ZNF746: variants seen among roughly 807,000 people sequenced by gnomAD.
ZNF746 encodes zinc finger protein 746.
ZNF746 carries 13 observed loss-of-function variants against 41.0 expected under a neutral mutation model. The ratio of observed to expected loss-of-function variants is 0.32; its 90% CI spans 0.21 to 0.50. The LOEUF is 0.50. Ranked by LOEUF, ZNF746 falls within the 20% of genes least tolerant of loss-of-function variation. The pLI, the probability that ZNF746 is intolerant of heterozygous loss-of-function variation, is 0.98. For missense variants in ZNF746, 811 were observed against 922.9 expected (o/e 0.88, Z 1.57); for synonymous variants, 424 against 396.2 (o/e 1.07, Z -0.83).
chr7:149,479,793 G>T (rs1201857291), intron 4 of ZNF746, among the ~76,000 whole-genome samples: 7 of 152,134 alleles, frequency 4.6e-5, no homozygotes, highest in Admixed American at 4.6e-4. Context: ...TCAGCAGTCT[G>T]GGAGGCTGAG....
chr7:149,496,957 AT>A (rs899948084), intron 1 of ZNF746: 153 of 985,262 alleles, frequency 1.6e-4, no homozygotes, highest in Non-Finnish European at 1.7e-4. Context: ...TATGACAGAG[AT>A]TAACACCAGT....
intron 4 of ZNF746, among the ~76,000 whole-genome samples, chr7:149,482,497 C>G (rs1375641176): frequency 2.0e-5 from 3 of 146,378 alleles, no homozygotes; most frequent in Non-Finnish European, 4.5e-5. Context: ...TGGAGCCTTG[C>G]TCTGCTGCAC....
chr7:149,493,760 G>A (rs1359042392), intron 3 of ZNF746, among the ~76,000 whole-genome samples: 3 of 152,216 alleles, frequency 2.0e-5, no homozygotes, highest in Non-Finnish European at 2.9e-5. Context: ...CTGCGTAGGA[G>A]AGAAGCCACC....
At chr7:149,493,569 C>T (rs1459309437) in intron 3 of ZNF746, among the ~76,000 whole-genome samples, 3 of 152,222 alleles carry the variant, frequency 2.0e-5, no homozygotes, top group Admixed American at 6.5e-5. Flanking sequence ...CAAGCAGCAC[C>T]GTCTGCCCAT....
chr7:149,494,213 C>G lies in ZNF746; in HGVS notation c.315G>C (p.Glu105Asp). 6.2e-7 allele frequency: 1 copy of G among 1,614,116 alleles called. No individual in the cohort carries two copies. Among genetic ancestry groups the G allele is most frequent in the Non-Finnish European group, 8.5e-7 (1 of 1,179,994 alleles). Residue 105 changes from glutamate (E) to aspartate (D), a missense_variant, in exon 2 of 7, where the codon GAG becomes GAC. Glu to Asp is a conservative substitution (Grantham distance 45). Around this residue, in one of 4 missense-constraint regions of ZNF746, gnomAD observed 147 missense variants for 233.4 expected, o/e 0.63. Transcript: ENST00000458143. The surrounding 1 kb of genome is among the most constrained non-coding windows in gnomAD (Gnocchi z 5.6). ...ILRLPPGSKG[E>D]SPKVPVTFDD... is the part of the protein sequence containing the mutation. ...GGCGTCCCAGGGCTACCTTAGGGGA[C>G]TCCCCCTTGCTGCCCGGGGGCAGCC... is the stretch of plus-strand genomic sequence containing the variant.
intron 3 of ZNF746, among the ~76,000 whole-genome samples, chr7:149,493,646 A>G (rs1800887177): frequency 6.6e-6 from 1 of 152,230 alleles, no homozygotes; most frequent in African/African-American, 2.4e-5. Context: ...AGGCTGAAGG[A>G]AAGAGTCTTT....
chr7:149,496,482 A>G lies in ZNF746; in HGVS notation c.24+1031T>C, dbSNP rs528626293. ...CGCAGGATGAAGTCCAGGCATGCAA[A>G]CCCCTTCTTAGTCTCTCTCTGCAGA... On this transcript the variant is annotated intron_variant, in intron 1 of 6. Transcript: ENST00000458143. Among the ~76,000 whole-genome samples, 8 of 151,924 alleles carry G rather than the reference A, an allele frequency of 5.3e-5. No homozygotes were observed. The South Asian group carries it at 1.0e-3, about 20-fold the overall frequency.
chr7:149,489,334 T>C (rs1410910518), intron 4 of ZNF746: 3 of 152,092 alleles, frequency 2.0e-5, no homozygotes, highest in African/African-American at 7.2e-5. Context: ...TACTCTGTAC[T>C]AGGCAATACT....
In ZNF746 at chr7:149,497,270, C is replaced by T. The variant is rs1801037195; in HGVS notation, c.24+243G>A. 5.1e-6 allele frequency: 5 copies of T among 985,088 alleles called. No individual in the cohort carries two copies. Among genetic ancestry groups the T allele is most frequent in the Non-Finnish European group, 6.0e-6 (5 of 829,758 alleles). The allele number at this position is 985,088 out of a possible 1,614,324, so 61.0% of individuals were successfully genotyped here. On this transcript the variant is annotated intron_variant, in intron 1 of 6. Coordinates refer to ENST00000458143, the MANE Select transcript of ZNF746 (RefSeq NM_001394198.1). This position sits in a 1 kb window ranked among gnomAD's most constrained non-coding sequence, Gnocchi z 4.2. The stretch of plus-strand genomic sequence containing the variant: ...GCCCCGGAGGGCCCAAAGAACTTGG[C>T]GTGGGGCGGCCCGGGGCGGGGACAA...
At position 149,473,164 on chromosome 7, in the gene ZNF746, G is replaced by T. The variant is rs1800155523; in HGVS notation, c.*1220C>A. 1 of 152,050 alleles carries T rather than the reference G, an allele frequency of 6.6e-6. No homozygotes were observed. Among genetic ancestry groups the T allele is most frequent in the African/African-American group, 2.4e-5 (1 of 41,388 alleles). 9.4% of individuals were successfully genotyped at this position (152,050 alleles called of 1,614,324 possible). On this transcript the variant is annotated 3_prime_UTR_variant, in exon 7 of 7. Transcript: ENST00000458143. The stretch of plus-strand genomic sequence containing the variant: ...GCCTCGCGAGCTGTGCCCTCTGAGA[G>T]TGCACACATTAAGGAGGCTGGGGCA...
rs1488839798 is a variant in ZNF746, at chr7:149,494,134, C to T, written c.325-19G>A. 3 of 1,614,186 alleles carry T rather than the reference C, an allele frequency of 1.9e-6. No individual in the cohort carries two copies. Among genetic ancestry groups the T allele is most frequent in the Middle Eastern group, 1.6e-4 (1 of 6,062 alleles). On this transcript the variant is annotated intron_variant, in intron 2 of 6. Transcript: ENST00000458143. This position sits in a 1 kb window ranked among gnomAD's most constrained non-coding sequence, Gnocchi z 5.6. ...CGGGCACCTGGAACCACAAGTGTCA[C>T]ACTCGCTCACCCACACGCTCACGGG... is the stretch of plus-strand genomic sequence containing the variant.
At chr7:149,485,136 C>G (rs1413545199) in intron 4 of ZNF746, among the ~76,000 whole-genome samples, 1 of 141,284 alleles carries the variant, frequency 7.1e-6, no homozygotes, top group Non-Finnish European at 1.5e-5. Context: ...AAAGATACCA[C>G]TGACAAAAGT....
In ZNF746 at chr7:149,474,295, C is replaced by T; in HGVS notation, c.*89G>A. Reference sequence around the variant, plus strand: ...TGGACATTTGGTTCTCCCCGTCCCGCGTCTGCCTGAAGCTTCCACGCCGCC... The same window carrying T: ...TGGACATTTGGTTCTCCCCGTCCCGTGTCTGCCTGAAGCTTCCACGCCGCC... On this transcript the variant is annotated 3_prime_UTR_variant, in exon 7 of 7. Transcript: ENST00000458143. This position sits in a 1 kb window ranked among gnomAD's most constrained non-coding sequence, Gnocchi z 6.3. 1 of 1,457,450 alleles carries T rather than the reference C, an allele frequency of 6.9e-7. No homozygotes were observed. Among genetic ancestry groups the T allele is most frequent in the Non-Finnish European group, 9.3e-7 (1 of 1,073,200 alleles). The allele number at this position is 1,457,450 out of a possible 1,614,324, so 90.3% of individuals were successfully genotyped here. A position where few individuals can be genotyped will look rare whatever the true frequency, so the allele number is the denominator to read the frequency against.
chr7:149,483,759 A>G (rs1227542323), intron 4 of ZNF746, among the ~76,000 whole-genome samples: 1 of 152,208 alleles, frequency 6.6e-6, no homozygotes, highest in African/African-American at 2.4e-5. Context: ...AAGAGAAGAC[A>G]AAGATAGAAT....
chr7:149,475,583 A>G, intron 6 of ZNF746, 100 bp from the exon 7 acceptor site: 2 of 1,509,218 alleles, frequency 1.3e-6, no homozygotes, highest in Non-Finnish European at 1.8e-6. Context: ...GGCCAGACAA[A>G]CTCCACCCAG....
chr7:149,491,613 C>T (rs1188905022), intron 4 of ZNF746: 13 of 476,510 alleles, frequency 2.7e-5, no homozygotes, highest in South Asian at 1.6e-4. Context: ...GCGGCCAGCC[C>T]GGAACATGCT....
chr7:149,476,789 A>G (rs1011661190), intron 6 of ZNF746, 133 bp downstream of exon 6: 3 of 1,229,780 alleles, frequency 2.4e-6, no homozygotes, highest in Non-Finnish European at 3.6e-6. Flanking sequence ...GCAAAGGGTC[A>G]TAAGAGTGCA....
At chr7:149,478,283 T>C (rs1003559734) in intron 4 of ZNF746, among the ~76,000 whole-genome samples, 3 of 151,900 alleles carry the variant, frequency 2.0e-5, no homozygotes, top group African/African-American at 4.8e-5. Flanking sequence ...CCATGTGAGG[T>C]TGGGAGTGTG....
rs1800144747 is a variant in ZNF746, at chr7:149,472,825, T to C, written c.*1559A>G. On this transcript the variant is annotated 3_prime_UTR_variant, in exon 7 of 7. Transcript: ENST00000458143. ...CTGGTTAGGTTTTATTTTAACAGGA[T>C]GTTTTCTCTTATTTTTCAAAATATC... The C allele has an allele frequency of 6.6e-6, 1 of 152,638 alleles. No homozygotes were observed. Among genetic ancestry groups the C allele is most frequent in the African/African-American group, 2.4e-5 (1 of 41,470 alleles). The allele number at this position is 152,638 out of a possible 1,614,324, so 9.5% of individuals were successfully genotyped here.
Sources: allele counts gnomAD v4.1 joint callset (sites outside exome capture counted in the v4.1 genomes callset), GRCh38; gene constraint gnomAD v4.1.1; regional missense constraint gnomAD v4.1.1; non-coding constraint Gnocchi (gnomAD v3.1); transcripts MANE v1.5; gene names NCBI Gene and HGNC (gene_info 2026-07-23, HGNC 2026-07-21).